Variants in SPMIP2 observed in about 807,000 individuals in gnomAD.
The protein encoded by SPMIP2 is protein SPMIP2.
At chr4:158,957,062 A>T in the SPMIP2 span, among the ~76,000 whole-genome samples, 2 of 150,586 alleles carry the variant, frequency 1.3e-5, no homozygotes, top group African/African-American at 2.4e-5. Context: ...CTCCCCAGTA[A>T]CTGAGATTAC....
the SPMIP2 span, among the ~76,000 whole-genome samples, chr4:159,043,378 A>C: frequency 6.6e-6 from 1 of 151,934 alleles, no homozygotes; most frequent in African/African-American, 2.4e-5. Context: ...ACGGAGTCTC[A>C]CTCTGTCGCC....
chr4:159,078,026 A>G, the SPMIP2 span, among the ~76,000 whole-genome samples: 2 of 152,216 alleles, frequency 1.3e-5, no homozygotes, highest in South Asian at 2.1e-4. Context: ...TCTAAAAATC[A>G]TATTTTTAAA....
the SPMIP2 span, among the ~76,000 whole-genome samples, chr4:158,952,988 T>A: frequency 2.0e-5 from 3 of 152,176 alleles, no homozygotes; most frequent in African/African-American, 7.2e-5. Flanking sequence ...TTCAGTTTTA[T>A]AAGGGAAACT....
chr4:158,933,134 G>A, the SPMIP2 span, among the ~76,000 whole-genome samples: 4 of 152,154 alleles, frequency 2.6e-5, no homozygotes, highest in Non-Finnish European at 5.9e-5. Context: ...CTCCCAAGTA[G>A]CTGGGATTAC....
chr4:158,966,474 T>C, the SPMIP2 span, among the ~76,000 whole-genome samples: 1 of 152,222 alleles, frequency 6.6e-6, no homozygotes, highest in African/African-American at 2.4e-5. Flanking sequence ...TTCAGAATTC[T>C]TTGACAATAT....
the SPMIP2 span, among the ~76,000 whole-genome samples, chr4:158,978,996 C>T: frequency 6.6e-6 from 1 of 152,286 alleles, no homozygotes; most frequent in South Asian, 2.1e-4. Context: ...GGTGCTCTGT[C>T]CCAGGGAGAT....
the SPMIP2 span, among the ~76,000 whole-genome samples, chr4:158,989,654 G>A: frequency 6.6e-6 from 1 of 152,172 alleles, no homozygotes; most frequent in African/African-American, 2.4e-5. Flanking sequence ...TTAATAAATG[G>A]TGTTGGGAAA....
the SPMIP2 span, among the ~76,000 whole-genome samples, chr4:158,997,379 C>T: frequency 5.9e-5 from 9 of 152,038 alleles, no homozygotes; most frequent in Non-Finnish European, 1.2e-4. Context: ...TACAGGCATG[C>T]GCCACCACAC....
the SPMIP2 span, among the ~76,000 whole-genome samples, chr4:159,074,304 C>A: frequency 6.6e-6 from 1 of 151,884 alleles, no homozygotes; most frequent in Admixed American, 6.6e-5. Context: ...TGAAGGCAGG[C>A]GTAGAAGAGA....
chr4:159,007,525 A>G, the SPMIP2 span: 3 of 894,418 alleles, frequency 3.4e-6, no homozygotes, highest in Non-Finnish European at 5.4e-6. Context: ...AAGATGGATG[A>G]TTTTGGGGTA....
the SPMIP2 span, among the ~76,000 whole-genome samples, chr4:159,034,202 C>T: frequency 6.6e-6 from 1 of 152,094 alleles, no homozygotes. Context: ...ATAGACTTAC[C>T]ACAACTAGTC....
chr4:159,000,952 G>C, the SPMIP2 span, among the ~76,000 whole-genome samples: 7 of 152,170 alleles, frequency 4.6e-5, no homozygotes, highest in African/African-American at 1.7e-4. Flanking sequence ...GCTGTATAAA[G>C]CTGCTATGAA....
chr4:159,015,884 A>C, the SPMIP2 span, among the ~76,000 whole-genome samples: 1 of 152,196 alleles, frequency 6.6e-6, no homozygotes, highest in Non-Finnish European at 1.5e-5. Context: ...TGGCAGAAGG[A>C]GAGAAAGCTT....
At chr4:158,958,767 A>T in the SPMIP2 span, among the ~76,000 whole-genome samples, 2 of 152,194 alleles carry the variant, frequency 1.3e-5, no homozygotes, top group Non-Finnish European at 2.9e-5. Context: ...AAGGGCTTTG[A>T]AACAGGGTAG....
At chr4:159,081,740 A>T in the SPMIP2 span, among the ~76,000 whole-genome samples, 1,048 of 152,256 alleles carry the variant, frequency 6.9e-3, 8 homozygotes, top group African/African-American at 0.023. Flanking sequence ...TGTGATTTTA[A>T]AGCTGTATTT....
At chr4:158,922,254 C>G in the SPMIP2 span, among the ~76,000 whole-genome samples, 1 of 152,164 alleles carries the variant, frequency 6.6e-6, no homozygotes, top group East Asian at 1.9e-4. Flanking sequence ...CTGCCACCCC[C>G]CTCTGCCTTG....
the SPMIP2 span, among the ~76,000 whole-genome samples, chr4:159,032,261 C>T: frequency 6.6e-6 from 1 of 152,190 alleles, no homozygotes; most frequent in Admixed American, 6.5e-5. Flanking sequence ...ATACATTGTT[C>T]ATAGTATATA....
chr4:159,061,454 T>C, the SPMIP2 span, among the ~76,000 whole-genome samples: 3 of 151,950 alleles, frequency 2.0e-5, no homozygotes, highest in African/African-American at 7.3e-5. Flanking sequence ...ACACATGGCA[T>C]GGGCGCCTCC....
chr4:158,920,995 ATTC>A, the SPMIP2 span, among the ~76,000 whole-genome samples: 1 of 152,196 alleles, frequency 6.6e-6, no homozygotes, highest in East Asian at 1.9e-4. Flanking sequence ...CAGCTGTAAA[ATTC>A]TTCTGTTTAT....
Sources: allele counts gnomAD v4.1 joint callset (sites outside exome capture counted in the v4.1 genomes callset), GRCh38; gene constraint gnomAD v4.1.1; transcripts MANE v1.5; gene names NCBI Gene and HGNC (gene_info 2026-07-23, HGNC 2026-07-21).